Variants in NBAS observed in about 807,000 individuals in gnomAD.
The protein encoded by NBAS is NAG/BC035112 fusion.
In NBAS, 219 loss-of-function variants were observed where a neutral mutation model predicts 302.5. That is an observed-to-expected ratio of 0.72 (90% CI 0.65 to 0.81). The LOEUF is 0.81. NBAS is among the 30% of genes least tolerant of loss of function. NBAS has a pLI of 0.00. For synonymous variants in NBAS, 1,118 were observed against 1,021.6 expected (o/e 1.09, Z -1.80); for missense variants, 2,932 against 2,841.6 (o/e 1.03, Z -0.72).
chr2:15,105,927 G>A, the NBAS span, among the ~76,000 whole-genome samples: 6 of 152,250 alleles, frequency 3.9e-5, no homozygotes, highest in South Asian at 2.1e-4. Context: ...CAGAGATTAC[G>A]ATTCCCTTTC....
At position 15,238,542 on chromosome 2, in the gene NBAS, G is replaced by A. The variant is rs1667710524; in HGVS notation, c.5869C>T (p.His1957Tyr). 1.9e-6 allele frequency: 3 copies of A among 1,614,166 alleles called. No individual in the cohort carries two copies. The highest frequency in any genetic ancestry group is 1.1e-5 in the South Asian group (1 of 91,068). The change falls in exon 45 of 52, where the codon CAT becomes TAT. Residue 1957 changes from histidine (H) to tyrosine (Y), a missense_variant. By Grantham distance (83) the His-to-Tyr change is moderately conservative. Transcript: ENST00000281513. ...AGGTGGGCAAGTGATTTCTCCAGATGATTCAAAGTATCTGCATAGGTAACT... is the reference window on the plus strand; with the variant it reads ...AGGTGGGCAAGTGATTTCTCCAGATAATTCAAAGTATCTGCATAGGTAACT... ...SKVTYADTLNHLEKSLAHLET... is the reference protein window; with the variant it reads ...SKVTYADTLNYLEKSLAHLET...
chr2:14,850,965 C>T, the NBAS span, among the ~76,000 whole-genome samples: 1 of 135,948 alleles, frequency 7.4e-6, no homozygotes, highest in Admixed American at 7.1e-5. Context: ...TAAATGCCCA[C>T]AAGAGAAAGC....
intron 51 of NBAS, chr2:15,178,253 G>C: frequency 2.2e-6 from 1 of 447,952 alleles, no homozygotes; most frequent in African/African-American, 2.0e-5. Flanking sequence ...GCATGTATGT[G>C]TATGTGTATA....
the NBAS span, among the ~76,000 whole-genome samples, chr2:14,789,268 C>T: frequency 3.2e-4 from 49 of 152,154 alleles, no homozygotes; most frequent in Non-Finnish European, 4.7e-4. Flanking sequence ...GGGAACTCCC[C>T]GACCCCTTGC....
At chr2:15,127,145 AG>A in the NBAS span, among the ~76,000 whole-genome samples, 4 of 152,168 alleles carry the variant, frequency 2.6e-5, no homozygotes, top group Non-Finnish European at 5.9e-5. Context: ...TTTTTGAAAG[AG>A]GGGCCCGTTG....
chr2:14,808,381 T>C, the NBAS span, among the ~76,000 whole-genome samples: 2 of 152,166 alleles, frequency 1.3e-5, no homozygotes, highest in Non-Finnish European at 2.9e-5. Context: ...AAACCTCATC[T>C]TGTAGCTCCC....
the NBAS span, among the ~76,000 whole-genome samples, chr2:14,817,334 A>G: frequency 6.6e-6 from 1 of 152,190 alleles, no homozygotes; most frequent in African/African-American, 2.4e-5. Context: ...TCCAGGAAGG[A>G]CCATTAACTC....
chr2:15,008,877 A>G, the NBAS span, among the ~76,000 whole-genome samples: 6 of 152,346 alleles, frequency 3.9e-5, no homozygotes, highest in South Asian at 1.0e-3. Flanking sequence ...TTTAAAAAAT[A>G]TACCTCATTT....
chr2:15,295,351 C>T (rs1280045771), intron 40 of NBAS, among the ~76,000 whole-genome samples: 1 of 152,184 alleles, frequency 6.6e-6, no homozygotes, highest in African/African-American at 2.4e-5. Flanking sequence ...GACAAAAAGA[C>T]AGTAGTGTCT....
the NBAS span, among the ~76,000 whole-genome samples, chr2:14,960,622 C>T: frequency 1.3e-5 from 2 of 152,344 alleles, no homozygotes; most frequent in South Asian, 4.1e-4. Flanking sequence ...CTCCACACTA[C>T]ATTACCTTGA....
At chr2:15,140,581 C>A in the NBAS span, among the ~76,000 whole-genome samples, 1 of 152,178 alleles carries the variant, frequency 6.6e-6, no homozygotes, top group Non-Finnish European at 1.5e-5. Context: ...TACAGGAAAG[C>A]ATTTGGTAAA....
At chr2:14,938,332 C>G in the NBAS span, among the ~76,000 whole-genome samples, 2 of 151,964 alleles carry the variant, frequency 1.3e-5, no homozygotes, top group African/African-American at 4.8e-5. Flanking sequence ...ATAAATCACC[C>G]CCATATTCAT....
the NBAS span, among the ~76,000 whole-genome samples, chr2:14,964,626 G>A: frequency 1.3e-5 from 2 of 152,146 alleles, no homozygotes; most frequent in Admixed American, 1.3e-4. Context: ...TGTTAATAAT[G>A]GATAAAACAA....
chr2:15,339,442 C>A (rs1672748422), intron 35 of NBAS, among the ~76,000 whole-genome samples: 1 of 152,144 alleles, frequency 6.6e-6, no homozygotes, highest in Non-Finnish European at 1.5e-5. Context: ...CATTTCACAG[C>A]AGAACTTACC....
Position 15,353,706 on chromosome 2 carries a change from A to T in NBAS, c.3936T>A (p.Tyr1312Ter), listed in dbSNP as rs1313574937. ...GGCTACAAACATCCCAACTTTTAGGATAACCTGCAAAATTGGCAAGGAAAA... is the reference window on the plus strand; with the variant it reads ...GGCTACAAACATCCCAACTTTTAGGTTAACCTGCAAAATTGGCAAGGAAAA... ...MHCQELMATG[Y>*]PKSWDVCSQL... The change falls in exon 34 of 52, where the codon TAT becomes TAA. Residue 1312 changes from tyrosine (Y) to a stop codon, truncating the protein, a stop_gained. Coordinates refer to ENST00000281513, the MANE Select transcript of NBAS (RefSeq NM_015909.4). LOFTEE classifies it high-confidence loss of function. The T allele has an allele frequency of 2.5e-6, 4 of 1,614,042 alleles. No homozygotes were observed. The highest frequency in any genetic ancestry group is 3.4e-6 in the Non-Finnish European group (4 of 1,179,934).
At chr2:14,789,189 C>T in the NBAS span, among the ~76,000 whole-genome samples, 12 of 152,186 alleles carry the variant, frequency 7.9e-5, no homozygotes, top group East Asian at 1.9e-4. Flanking sequence ...GTAGGAAAAG[C>T]GCAGTACTGG....
chr2:15,181,875 C>T (rs1664841693), intron 50 of NBAS, among the ~76,000 whole-genome samples: 1 of 152,204 alleles, frequency 6.6e-6, no homozygotes, highest in Non-Finnish European at 1.5e-5. Flanking sequence ...ACTAGGGGCA[C>T]AAGGTATGCA....
chr2:15,116,076 A>G, the NBAS span, among the ~76,000 whole-genome samples: 11 of 152,248 alleles, frequency 7.2e-5, no homozygotes, highest in Non-Finnish European at 1.3e-4. Flanking sequence ...GCCACAAGAG[A>G]GTTGCAAGGA....
At chr2:15,180,325 C>T (rs560795683) in intron 50 of NBAS, 1 of 152,306 alleles carries the variant, frequency 6.6e-6, no homozygotes. Flanking sequence ...ACCTGTGTGA[C>T]AATGATCAAT....
Sources: allele counts gnomAD v4.1 joint callset (sites outside exome capture counted in the v4.1 genomes callset), GRCh38; gene constraint gnomAD v4.1.1; transcripts MANE v1.5; gene names NCBI Gene and HGNC (gene_info 2026-07-23, HGNC 2026-07-21).